Variants in MAEL observed in about 807,000 individuals in gnomAD.
MAEL encodes maelstrom spermatogenic transposon silencer.
Under a neutral mutation model 62.0 loss-of-function variants are expected in MAEL, and 46 were observed. The observed-to-expected ratio is 0.74, with a 90% CI of 0.59 to 0.95. MAEL has a LOEUF of 0.95. MAEL is among the 40% of genes least tolerant of loss of function. MAEL has a pLI of 0.00. For synonymous variants in MAEL, 172 were observed against 175.5 expected (o/e 0.98, Z 0.16); for missense variants, 497 against 526.8 (o/e 0.94, Z 0.55).
At chr1:167,015,033 G>GC (rs951299219) in intron 8 of MAEL, among the ~76,000 whole-genome samples, 14 of 152,164 alleles carry the variant, frequency 9.2e-5, no homozygotes, top group African/African-American at 3.4e-4. Context: ...TTCAAGAAAA[G>GC]CCTGCAACAT....
chr1:166,983,830 C>T (rs1479933460), intron 1 of MAEL, among the ~76,000 whole-genome samples: 1 of 151,740 alleles, frequency 6.6e-6, no homozygotes, highest in Non-Finnish European at 1.5e-5. Context: ...GGCAAAACCC[C>T]GTCTCTACAA....
intron 3 of MAEL, among the ~76,000 whole-genome samples, chr1:166,992,338 G>T (rs1010999898): frequency 6.6e-6 from 1 of 152,074 alleles, no homozygotes; most frequent in Non-Finnish European, 1.5e-5. Flanking sequence ...GCTCAGCTTC[G>T]TTTCCCAGAC....
intron 6 of MAEL, 77 bp from the exon 7 acceptor site, chr1:167,004,999 A>G: frequency 2.9e-6 from 4 of 1,382,474 alleles, no homozygotes; most frequent in Non-Finnish European, 4.0e-6. Flanking sequence ...TTGAAAGGAC[A>G]GCATTAGAAG....
upstream of MAEL, chr1:166,989,152 C>A (rs1438227016): frequency 1.9e-5 from 14 of 730,186 alleles, no homozygotes; most frequent in Non-Finnish European, 2.6e-5. Flanking sequence ...CCACCTCACC[C>A]GCAAGGCGGC....
chr1:166,996,858 G>A (rs1054792399), intron 5 of MAEL, among the ~76,000 whole-genome samples: 6 of 151,962 alleles, frequency 3.9e-5, no homozygotes, highest in African/African-American at 1.5e-4. Flanking sequence ...ACGGAGTCTT[G>A]CTCCCTCGCC....
upstream of MAEL, among the ~76,000 whole-genome samples, chr1:166,986,945 CGTGTGTGTGT>C (rs58393275): frequency 6.2e-3 from 910 of 147,106 alleles, 12 homozygotes; most frequent in African/African-American, 0.021. Context: ...AGGAAGGGGA[CGTGTGTGTGT>C]GTGTGTGTGT....
At chr1:166,982,767 A>T (rs1027782646) in intron 1 of MAEL, among the ~76,000 whole-genome samples, 4 of 150,338 alleles carry the variant, frequency 2.7e-5, no homozygotes, top group African/African-American at 4.9e-5. Context: ...ATCTGGCCCT[A>T]CCTCCCTCTC....
At chr1:167,003,281 A>G (rs1365267139) in intron 5 of MAEL, among the ~76,000 whole-genome samples, 2 of 152,210 alleles carry the variant, frequency 1.3e-5, no homozygotes. Flanking sequence ...TAACAATTTT[A>G]TGCTAAAATT....
intron 8 of MAEL, among the ~76,000 whole-genome samples, 192 bp from the exon 9 acceptor site, chr1:167,016,030 G>C (rs894386008): frequency 6.6e-6 from 1 of 152,140 alleles, no homozygotes; most frequent in Admixed American, 6.5e-5. Context: ...TGTGTAGGTT[G>C]CGTAGTATCA....
upstream of MAEL, among the ~76,000 whole-genome samples, chr1:166,987,292 C>T (rs1276537530): frequency 6.6e-6 from 1 of 152,142 alleles, no homozygotes; most frequent in Non-Finnish European, 1.5e-5. Context: ...CCTATGTATA[C>T]TTTTATGTAT....
chr1:167,018,720 T>G (rs890643687), intron 10 of MAEL, among the ~76,000 whole-genome samples: 1 of 152,204 alleles, frequency 6.6e-6, no homozygotes, highest in Non-Finnish European at 1.5e-5. Context: ...TAGTTAATTA[T>G]GCTGAACAAA....
intron 1 of MAEL, among the ~76,000 whole-genome samples, chr1:166,981,313 C>T (rs975304410): frequency 1.3e-5 from 2 of 152,198 alleles, no homozygotes; most frequent in Non-Finnish European, 2.9e-5. Context: ...CTTACCTTTT[C>T]GTCATCTCTC....
intron 5 of MAEL, among the ~76,000 whole-genome samples, chr1:166,994,538 T>C (rs1487498283): frequency 6.6e-6 from 1 of 152,188 alleles, no homozygotes; most frequent in Non-Finnish European, 1.5e-5. Flanking sequence ...CTAAACCCTT[T>C]TTCTGGGAAT....
At position 166,989,293 on chromosome 1, in the gene MAEL, G is replaced by C; in HGVS notation, c.-60G>C. 6.4e-7 allele frequency: 1 copy of C among 1,559,622 alleles called. No homozygotes were observed. Among genetic ancestry groups the C allele is most frequent in the Non-Finnish European group, 8.7e-7 (1 of 1,150,800 alleles). ...CCTACCTCTGTTACTTAGGGCGGGA[G>C]CCCGGCGAGGGCGCCGGTGCTTTGT... On this transcript the variant is annotated 5_prime_UTR_variant, in exon 1 of 12. Transcript: ENST00000367872.
chr1:167,018,531 A>G (rs1190017334), intron 10 of MAEL, among the ~76,000 whole-genome samples: 1 of 152,184 alleles, frequency 6.6e-6, no homozygotes, highest in African/African-American at 2.4e-5. Context: ...GTATTAAACA[A>G]GAACAATAAT....
At chr1:167,018,685 C>G in intron 10 of MAEL, among the ~76,000 whole-genome samples, 1 of 152,162 alleles carries the variant, frequency 6.6e-6, no homozygotes, top group Non-Finnish European at 1.5e-5. Context: ...GCATGAACTA[C>G]TGATGAAAAC....
chr1:166,981,747 A>T (rs1663765255), intron 1 of MAEL, among the ~76,000 whole-genome samples: 1 of 152,182 alleles, frequency 6.6e-6, no homozygotes, highest in South Asian at 2.1e-4. Context: ...TGAGAATAGG[A>T]ACTGCTGCCC....
chr1:167,021,836 C>T lies in MAEL; in HGVS notation c.1286C>T (p.Ser429Phe). 17 of 1,606,976 alleles carry T rather than the reference C, an allele frequency of 1.1e-5. No homozygotes were observed. Among genetic ancestry groups the T allele is most frequent in the Non-Finnish European group, 1.4e-5 (17 of 1,175,656 alleles). ...ATGTCCCAAAAAGATGGATACAAAT[C>T]TTTCTCTTCCTTATCTTAATGATGG... Reference protein sequence around the residue: ...PYMSQKDGYKSFSSLS With the variant: ...PYMSQKDGYKFFSSLS Residue 429 changes from serine (S) to phenylalanine (F), a missense_variant, in exon 12 of 12, where the codon TCT becomes TTT. By Grantham distance (155) the Ser-to-Phe change is radical. Transcript: ENST00000367872.
chr1:166,998,705 T>G (rs1265378502), intron 5 of MAEL, among the ~76,000 whole-genome samples: 2 of 152,224 alleles, frequency 1.3e-5, no homozygotes, highest in African/African-American at 4.8e-5. Context: ...CCTTGTTTTA[T>G]TGCATTTCAC....
Sources: gnomAD v4.1 joint callset for allele counts (sites outside exome capture counted in the v4.1 genomes callset) on GRCh38, gnomAD v4.1.1 for gene constraint, MANE v1.5 for transcripts, NCBI Gene and HGNC (gene_info 2026-07-23, HGNC 2026-07-21) for gene names.